The following CORO2A variants were observed in gnomAD, a reference collection of about 807,000 sequenced individuals.
CORO2A encodes the protein coronin 2A, also known as coronin-2A.
In CORO2A, 47 loss-of-function variants were observed where a neutral mutation model predicts 62.4. The ratio of observed to expected loss-of-function variants is 0.75; its 90% CI spans 0.60 to 0.96. CORO2A has a LOEUF of 0.96. Among genes scored for constraint, CORO2A ranks in the 40% least tolerant of loss-of-function variants. CORO2A has a pLI of 0.00. For synonymous variants in CORO2A, 273 were observed against 268.9 expected, an observed-to-expected ratio of 1.02 and a Z score of -0.15; for missense variants, 610 against 684.1, an observed-to-expected ratio of 0.89 and a Z score of 1.21.
At chr9:98,172,821 CA>C (rs1363559861) in intron 1 of CORO2A, 1 of 152,254 alleles carries the variant, frequency 6.6e-6, no homozygotes, top group Non-Finnish European at 1.5e-5. Flanking sequence ...TTGCCCTTCT[CA>C]AATTTCAAGT....
chr9:98,190,111 T>C (rs1372338448), intron 1 of CORO2A, among the ~76,000 whole-genome samples: 2 of 152,166 alleles, frequency 1.3e-5, no homozygotes, highest in Non-Finnish European at 2.9e-5. Context: ...TCTCAAACTC[T>C]AGACCTCAGG....
Position 98,177,218 on chromosome 9 carries a change from T to G in CORO2A, c.-1+15341A>C, listed in dbSNP as rs985866452. Among the ~76,000 whole-genome samples, 7 of 152,194 alleles carry G rather than the reference T, an allele frequency of 4.6e-5. No homozygotes were observed. In the East Asian group the frequency reaches 1.4e-3, roughly 29 times the overall value. On this transcript the variant is annotated intron_variant, in intron 1 of 11. Coordinates refer to ENST00000375077, the MANE Select transcript of CORO2A (RefSeq NM_052820.4). ...CAGAGCATCAGCAGCCCCCACGATG[T>G]GAGGGGAAACCTGGAGCACATTCAC...
intron 1 of CORO2A, among the ~76,000 whole-genome samples, chr9:98,161,540 T>G (rs1190085651): frequency 6.6e-6 from 1 of 151,956 alleles, no homozygotes; most frequent in Non-Finnish European, 1.5e-5. Flanking sequence ...GGGAACAGAG[T>G]GATAATCTGT....
chr9:98,148,744 C>T (rs953676051), intron 2 of CORO2A, among the ~76,000 whole-genome samples: 1 of 121,142 alleles, frequency 8.3e-6, no homozygotes, highest in Non-Finnish European at 1.8e-5. Context: ...AGAGCCAGAG[C>T]TTGTCTCAAA....
At chr9:98,186,153 G>A (rs548153231) in intron 1 of CORO2A, among the ~76,000 whole-genome samples, 10 of 152,322 alleles carry the variant, frequency 6.6e-5, no homozygotes, top group African/African-American at 4.8e-5. Context: ...CTCAGCTCCC[G>A]ATTTCTTATT....
chr9:98,181,330 CTT>C (rs980179828), intron 1 of CORO2A, among the ~76,000 whole-genome samples: 2 of 143,410 alleles, frequency 1.4e-5, no homozygotes, highest in African/African-American at 2.7e-5. Context: ...ATCTCTCTCT[CTT>C]GCTTTTTTTT....
chr9:98,126,902 G>A, intron 10 of CORO2A, 79 bp from the exon 11 acceptor site: 2 of 1,496,338 alleles, frequency 1.3e-6, no homozygotes, highest in South Asian at 1.2e-5. Flanking sequence ...ACACAGGCAG[G>A]CATGCAGAGA....
rs145132131 is a variant in CORO2A, at chr9:98,146,796, C to T, written c.202-9108G>A. Among the ~76,000 whole-genome samples the T allele has an allele frequency of 5.3e-5, 8 of 152,290 alleles. No homozygotes were observed. In the East Asian group the frequency reaches 1.5e-3, roughly 29 times the overall value. ...GGGAAGTCATCTTCCTGAGCCTCAG[C>T]GACCTCATCTGTGCAATGGGGCAAG... On this transcript the variant is annotated intron_variant, in intron 2 of 11. Transcript: ENST00000375077.
At chr9:98,153,709 G>A (rs1296871374) in intron 2 of CORO2A, among the ~76,000 whole-genome samples, 1 of 142,554 alleles carries the variant, frequency 7.0e-6, no homozygotes, top group Non-Finnish European at 1.5e-5. Flanking sequence ...CACACACCCC[G>A]AGAGGCAAAA....
At chr9:98,169,673 TG>T (rs1385709099) in intron 1 of CORO2A, among the ~76,000 whole-genome samples, 2 of 152,154 alleles carry the variant, frequency 1.3e-5, no homozygotes, top group African/African-American at 4.8e-5. Context: ...TGAGACAAAC[TG>T]GTCTGTCTGC....
At chr9:98,125,658 T>G (rs1190609152) in intron 11 of CORO2A, among the ~76,000 whole-genome samples, 1 of 152,094 alleles carries the variant, frequency 6.6e-6, no homozygotes, top group African/African-American at 2.4e-5. Flanking sequence ...CTGGAAAGAC[T>G]TTGATACCCA....
chr9:98,126,194 C>T (rs1005326216), intron 11 of CORO2A, among the ~76,000 whole-genome samples: 1 of 151,950 alleles, frequency 6.6e-6, no homozygotes, highest in African/African-American at 2.4e-5. Context: ...CGCCACCACA[C>T]CCGGCTAATT....
intron 2 of CORO2A, among the ~76,000 whole-genome samples, chr9:98,141,100 ACATT>A (rs1214286862): frequency 6.6e-6 from 1 of 152,092 alleles, no homozygotes. Context: ...ACACACCTAC[ACATT>A]CAGAGGGAGA....
chr9:98,129,331 C>T (rs985944764), intron 8 of CORO2A, among the ~76,000 whole-genome samples: 7 of 152,226 alleles, frequency 4.6e-5, no homozygotes, highest in Admixed American at 2.6e-4. Flanking sequence ...CATCTTTCTC[C>T]AGTCCCTTAC....
intron 1 of CORO2A, among the ~76,000 whole-genome samples, chr9:98,177,462 T>G (rs1220215642): frequency 2.5e-4 from 34 of 133,422 alleles, no homozygotes; most frequent in African/African-American, 6.8e-4. Context: ...ACTTTGTTTT[T>G]TTTTTTTTTT....
intron 1 of CORO2A, among the ~76,000 whole-genome samples, chr9:98,165,161 T>C (rs186808932): frequency 1.7e-3 from 261 of 152,306 alleles, no homozygotes; most frequent in Non-Finnish European, 9.7e-4. Flanking sequence ...GGTTTCACTC[T>C]GTTGCCAGGC....
intron 1 of CORO2A, among the ~76,000 whole-genome samples, chr9:98,169,393 C>T (rs1246902415): frequency 6.6e-6 from 1 of 152,134 alleles, no homozygotes; most frequent in East Asian, 1.9e-4. Flanking sequence ...GCCACCTCCT[C>T]CTGCCCTGCC....
chr9:98,155,942 C>T (rs1012340800), intron 2 of CORO2A, among the ~76,000 whole-genome samples: 5 of 151,914 alleles, frequency 3.3e-5, no homozygotes, highest in African/African-American at 1.2e-4. Context: ...ACTTTTGGCC[C>T]TTTTATCTTC....
At chr9:98,165,523 A>G (rs1426027176) in intron 1 of CORO2A, among the ~76,000 whole-genome samples, 1 of 152,238 alleles carries the variant, frequency 6.6e-6, no homozygotes, top group Non-Finnish European at 1.5e-5. Context: ...TCAGAGATGA[A>G]TAATTCAGTC....
Sources: allele counts gnomAD v4.1 joint callset (sites outside exome capture counted in the v4.1 genomes callset), GRCh38; gene constraint gnomAD v4.1.1; transcripts MANE v1.5; gene names NCBI Gene and HGNC (gene_info 2026-07-23, HGNC 2026-07-21).